PAX7: variants seen among roughly 807,000 people sequenced by gnomAD.
PAX7 encodes paired box 7.
In PAX7, 18 loss-of-function variants were observed where a neutral mutation model predicts 50.7. That is an observed-to-expected ratio of 0.36 (90% CI 0.25 to 0.53). The LOEUF (loss-of-function observed/expected upper bound fraction) is 0.53, where lower values mean the gene tolerates loss of function less well. Ranked by LOEUF, PAX7 falls within the 20% of genes least tolerant of loss-of-function variation. The pLI, the probability that PAX7 is intolerant of heterozygous loss-of-function variation, is 0.93. For missense variants in PAX7, 644 were observed against 702.9 expected, an observed-to-expected ratio of 0.92 and a Z score of 0.95; for synonymous variants, 310 against 290.4, an observed-to-expected ratio of 1.07 and a Z score of -0.69.
chr1:18,724,063 G>A (rs138405212), intron 7 of PAX7, among the ~76,000 whole-genome samples: 5,198 of 152,310 alleles, frequency 0.034, 133 homozygotes, highest in Non-Finnish European at 0.048. Context: ...GGGTTCTCCC[G>A]GCTCAGGCCG....
intron 7 of PAX7, among the ~76,000 whole-genome samples, chr1:18,728,896 A>G (rs927383462): frequency 6.6e-6 from 1 of 151,504 alleles, no homozygotes; most frequent in Non-Finnish European, 1.5e-5. Context: ...CCTGACCCCC[A>G]GACCCCCAAG....
intron 6 of PAX7, among the ~76,000 whole-genome samples, chr1:18,701,433 TGA>T (rs775520968): frequency 2.6e-5 from 4 of 151,688 alleles, no homozygotes; most frequent in Admixed American, 1.3e-4. Flanking sequence ...AATGAGTGTG[TGA>T]GTGTGTGCAT....
chr1:18,748,102 G>A lies in PAX7; in HGVS notation c.*3173G>A, dbSNP rs1444814889. On this transcript the variant is annotated 3_prime_UTR_variant, in exon 9 of 9. Coordinates refer to ENST00000420770, the MANE Select transcript of PAX7 (RefSeq NM_001135254.2). The stretch of plus-strand genomic sequence containing the variant: ...GGAACATCAAAGGGCAGAGCAAACA[G>A]AGAACTAGGGGGATAAGAGAGAAGA... The A allele has an allele frequency of 4.6e-6, 1 of 215,680 alleles. No homozygotes were observed. Among genetic ancestry groups the A allele is most frequent in the Non-Finnish European group, 9.3e-6 (1 of 107,132 alleles). 13.4% of individuals were successfully genotyped at this position (215,680 alleles called of 1,614,324 possible). A position where few individuals can be genotyped will look rare whatever the true frequency, so the allele number is the denominator to read the frequency against.
intron 8 of PAX7, among the ~76,000 whole-genome samples, chr1:18,740,722 A>G (rs1931087414): frequency 6.6e-6 from 1 of 152,248 alleles, no homozygotes; most frequent in Non-Finnish European, 1.5e-5. Flanking sequence ...ACCATTCACA[A>G]TAGCCAAGAC....
intron 7 of PAX7, among the ~76,000 whole-genome samples, chr1:18,720,823 G>A (rs1035114505): frequency 5.9e-5 from 9 of 152,120 alleles, no homozygotes; most frequent in Admixed American, 5.9e-4. Context: ...ATATACAAGG[G>A]TGGGGCCAGG....
chr1:18,709,887 T>A (rs1570207297), intron 7 of PAX7, among the ~76,000 whole-genome samples: 1 of 152,266 alleles, frequency 6.6e-6, no homozygotes, highest in Non-Finnish European at 1.5e-5. Context: ...AATGGCAGAG[T>A]CAGGTTCAGA....
At chr1:18,664,668 T>G (rs1458092365) in intron 4 of PAX7, among the ~76,000 whole-genome samples, 1 of 152,052 alleles carries the variant, frequency 6.6e-6, no homozygotes, top group Non-Finnish European at 1.5e-5. Context: ...CAGTAAGTGA[T>G]GGAATGTCAG....
At chr1:18,730,910 G>A (rs1056411989) in intron 7 of PAX7, among the ~76,000 whole-genome samples, 1 of 151,768 alleles carries the variant, frequency 6.6e-6, no homozygotes, top group African/African-American at 2.4e-5. Flanking sequence ...GGGGTTGGGG[G>A]TGGGGTAGGG....
At chr1:18,643,497 G>C (rs1004951850) in intron 4 of PAX7, among the ~76,000 whole-genome samples, 1 of 152,148 alleles carries the variant, frequency 6.6e-6, no homozygotes, top group Non-Finnish European at 1.5e-5. Context: ...CGGAGGCGCC[G>C]AGGGAGGCGC....
chr1:18,684,866 G>A (rs2088952811), intron 4 of PAX7, among the ~76,000 whole-genome samples: 1 of 152,178 alleles, frequency 6.6e-6, no homozygotes, highest in African/African-American at 2.4e-5. Flanking sequence ...GAGGGAGGCT[G>A]AGAGAAGGAC....
intron 8 of PAX7, chr1:18,736,125 C>G (rs2089710266): frequency 1.5e-6 from 1 of 662,830 alleles, no homozygotes; most frequent in South Asian, 1.9e-5. Context: ...ATAAAATACA[C>G]AACACAAATA....
chr1:18,636,294 A>G lies in PAX7; in HGVS notation c.509A>G (p.Glu170Gly), dbSNP rs771316977. The part of the protein sequence containing the change: ...LRIKFGKKEE[E>G]DEADKKEDDG... ...ATCAAGTTCGGGAAGAAAGAGGAGG[A>G]GGATGAAGCGGACAAGAAGGAGGAC... Residue 170 changes from glutamate to glycine, a missense_variant, in exon 4 of 9, where the codon GAG becomes GGG. Coordinates refer to ENST00000420770, the MANE Select transcript of PAX7 (RefSeq NM_001135254.2). The surrounding 1 kb of genome is among the most constrained non-coding windows in gnomAD (Gnocchi z 5.1). 3 of 1,614,176 alleles carry G rather than the reference A, an allele frequency of 1.9e-6. No individual in the cohort carries two copies. Among genetic ancestry groups the G allele is most frequent in the Non-Finnish European group, 2.5e-6 (3 of 1,179,992 alleles).
intron 4 of PAX7, among the ~76,000 whole-genome samples, chr1:18,683,593 A>G (rs979994066): frequency 6.6e-6 from 1 of 152,180 alleles, no homozygotes; most frequent in Non-Finnish European, 1.5e-5. Flanking sequence ...TAATCCCAGC[A>G]CTGTGGGAGG....
At position 18,680,320 on chromosome 1, in the gene PAX7, T is replaced by C. The variant is rs527419445; in HGVS notation, c.587-11434T>C. On this transcript the variant is annotated intron_variant, in intron 4 of 8. Coordinates refer to ENST00000420770, the MANE Select transcript of PAX7 (RefSeq NM_001135254.2). Reference sequence around the variant, plus strand: ...GACATGCTCAGGGTCACACAGCAGGTCATGGATGAGCCCAGAGTGCCAACT... The same window carrying C: ...GACATGCTCAGGGTCACACAGCAGGCCATGGATGAGCCCAGAGTGCCAACT... 2.0e-5 allele frequency among the ~76,000 whole-genome samples: 3 copies of C among 152,170 alleles called. No homozygotes were observed. In the South Asian group the frequency reaches 6.2e-4, roughly 32 times the overall value.
At chr1:18,692,331 C>T (rs993602006) in intron 5 of PAX7, among the ~76,000 whole-genome samples, 4 of 151,502 alleles carry the variant, frequency 2.6e-5, no homozygotes, top group Admixed American at 2.0e-4. Flanking sequence ...CACATGAGGT[C>T]AGCAGTTCAA....
rs368930542 is a variant in PAX7 at position 18,735,652 on chromosome 1, C to T, written c.1176C>T (p.Asn392=). 5.0e-6 allele frequency: 8 copies of T among 1,613,462 alleles called. No homozygotes were observed. Among genetic ancestry groups the T allele is most frequent in the Non-Finnish European group, 6.8e-6 (8 of 1,179,696 alleles). ...LSPQVMSILG[N]PSAVPPQPQA... is the part of the protein sequence containing the mutation. ...CACAGGTGATGAGCATCTTGGGCAA[C>T]CCCAGTGCGGTGCCCCCGCAGCCAC... The change falls in exon 8 of 9, where the codon AAC becomes AAT. Residue 392 remains asparagine, a synonymous_variant. Transcript: ENST00000420770. This position sits in a 1 kb window ranked among gnomAD's most constrained non-coding sequence, Gnocchi z 4.0.
intron 7 of PAX7, among the ~76,000 whole-genome samples, chr1:18,716,693 C>T (rs1355224119): frequency 6.6e-6 from 1 of 151,864 alleles, no homozygotes; most frequent in East Asian, 1.9e-4. Context: ...TCCATTCTCT[C>T]AAACCCTCAT....
chr1:18,706,458 C>CTT (rs1202376646), intron 7 of PAX7, among the ~76,000 whole-genome samples: 91 of 135,130 alleles, frequency 6.7e-4, no homozygotes, highest in African/African-American at 2.4e-3. Context: ...CTCTCTCTCT[C>CTT]TCTTTTTTTT....
Position 18,635,160 on chromosome 1 carries a change from A to G in PAX7, c.371A>G (p.Glu124Gly), listed in dbSNP as rs1376183368. 6.2e-7 allele frequency: 1 copy of G among 1,614,058 alleles called. No homozygotes were observed. The highest frequency in any genetic ancestry group is 1.1e-5 in the South Asian group (1 of 91,072). ...VEKKIEEYKRENPGMFSWEIR... is the reference protein window; with the variant it reads ...VEKKIEEYKRGNPGMFSWEIR... ...AAAAAGATTGAGGAGTACAAGAGGGAAAACCCAGGCATGTTCAGCTGGGAG... is the reference window on the plus strand; with the variant it reads ...AAAAAGATTGAGGAGTACAAGAGGGGAAACCCAGGCATGTTCAGCTGGGAG... Residue 124 changes from glutamate to glycine, a missense_variant, in exon 3 of 9, where the codon GAA becomes GGA. By Grantham distance (98) the Glu-to-Gly change is moderately conservative (BLOSUM62 -2). Transcript: ENST00000420770.
Sources: gnomAD v4.1 joint callset for allele counts (sites outside exome capture counted in the v4.1 genomes callset) on GRCh38, gnomAD v4.1.1 for gene constraint, Gnocchi (gnomAD v3.1) non-coding constraint, MANE v1.5 for transcripts, NCBI Gene and HGNC (gene_info 2026-07-23, HGNC 2026-07-21) for gene names.